TMEM87A: variants seen among roughly 807,000 people sequenced by gnomAD.
TMEM87A encodes the protein transmembrane protein 87A.
In TMEM87A, 50 loss-of-function variants were observed where a neutral mutation model predicts 90.0. That is an observed-to-expected ratio of 0.56 (90% confidence interval 0.44 to 0.70). TMEM87A has a LOEUF of 0.70. Among genes scored for constraint, TMEM87A ranks in the 30% least tolerant of loss-of-function variants. The pLI is 0.00. For missense variants in TMEM87A, 577 were observed against 660.5 expected (o/e 0.87, Z 1.39); for synonymous variants, 226 against 226.7 (o/e 1.00, Z 0.03).
In TMEM87A at chr15:42,211,640, G is replaced by T; in HGVS notation, c.*68C>A. ...TCCTTTAATCCCATGGAGCCGTACA[G>T]AAGACTGACACAGATGCTGATCTCT... is the stretch of plus-strand genomic sequence containing the variant. On this transcript the variant is annotated 3_prime_UTR_variant, in exon 20 of 20. Coordinates refer to ENST00000389834, the MANE Select transcript of TMEM87A (RefSeq NM_015497.5). The T allele has an allele frequency of 3.4e-6, 5 of 1,484,364 alleles. No individual in the cohort carries two copies. The highest frequency in any genetic ancestry group is 4.7e-6 in the Non-Finnish European group (5 of 1,067,502). 91.9% of individuals were successfully genotyped at this position (1,484,364 alleles called of 1,614,324 possible).
intron 18 of TMEM87A, 147 bp from the exon 19 acceptor site, chr15:42,217,980 C>A: frequency 6.8e-6 from 5 of 732,704 alleles, no homozygotes; most frequent in South Asian, 2.3e-5. Context: ...AAATAAACAG[C>A]AAATACAATA....
Position 42,211,713 on chromosome 15 carries a change from C to T in TMEM87A, c.1663G>A (p.Glu555Lys), listed in dbSNP as rs1230393915. The change falls in exon 20 of 20, where the codon GAG becomes AAG. Residue 555 changes from glutamate to lysine, a missense_variant. Transcript: ENST00000389834. ...MITHFERSKM[E>K] ...ACTGCAAATCTTCCCATTCCTTACT[C>T]CATTTTGGACCTTTCAAAGTGTGTG... 6.2e-7 allele frequency: 1 copy of T among 1,612,922 alleles called. No homozygotes were observed. Among genetic ancestry groups the T allele is most frequent in the Non-Finnish European group, 8.5e-7 (1 of 1,179,646 alleles).
At chr15:42,273,579 C>T, upstream of TMEM87A, 1 of 1,095,732 alleles carries the variant, frequency 9.1e-7, no homozygotes, top group South Asian at 1.6e-5. Context: ...AGACTTTGGA[C>T]CTACTGCGCA....
At chr15:42,257,631 T>C (rs1368507051) in intron 6 of TMEM87A, among the ~76,000 whole-genome samples, 1 of 152,232 alleles carries the variant, frequency 6.6e-6, no homozygotes, top group Non-Finnish European at 1.5e-5. Flanking sequence ...TACATGTGGA[T>C]CTAGCAATTC....
chr15:42,255,458 T>A lies in TMEM87A; in HGVS notation c.504+5500A>T, dbSNP rs117676129. On this transcript the variant is annotated intron_variant, in intron 6 of 19. Coordinates refer to ENST00000389834, the MANE Select transcript of TMEM87A (RefSeq NM_015497.5). ...ACTTTTGCTTTTTGTAGAGATAGTGTCTCTAATGTTTTCCAGGCTGCTCTT... is the reference window on the plus strand; with the variant it reads ...ACTTTTGCTTTTTGTAGAGATAGTGACTCTAATGTTTTCCAGGCTGCTCTT... Among the ~76,000 whole-genome samples the A allele has an allele frequency of 6.2e-4, 94 of 152,036 alleles. 1 individual carries two copies. In the East Asian group the frequency reaches 0.015, roughly 24 times the overall value.
rs1334933082 is a variant in TMEM87A, at chr15:42,258,434, T to TC, written c.504+2523dup. 53 of 673,046 alleles carry TC rather than the reference T, an allele frequency of 7.9e-5. 1 individual carries two copies. The Middle Eastern group carries it at 6.1e-3, about 78-fold the overall frequency. 41.7% of individuals were successfully genotyped at this position (673,046 alleles called of 1,614,324 possible). On this transcript the variant is annotated intron_variant, in intron 6 of 19. Transcript: ENST00000389834. ...GAGAAAATCCAATGAATATCTTTTTTCTTTTTTTTTTGAGATGGAATCTCA... is the reference window on the plus strand; with the variant it reads ...GAGAAAATCCAATGAATATCTTTTTTCCTTTTTTTTTTGAGATGGAATCTCA...
chr15:42,262,529 T>C (rs908863150), intron 4 of TMEM87A, among the ~76,000 whole-genome samples: 4 of 151,774 alleles, frequency 2.6e-5, no homozygotes, highest in African/African-American at 9.7e-5. Context: ...GTTCAAGTGA[T>C]TCTCCCACTT....
At chr15:42,223,771 T>C (rs1202399571) in intron 15 of TMEM87A, among the ~76,000 whole-genome samples, 2 of 152,152 alleles carry the variant, frequency 1.3e-5, no homozygotes, top group African/African-American at 4.8e-5. Context: ...AAAAATAAGC[T>C]AAAGATCCAA....
At chr15:42,258,173 G>A (rs117371233) in intron 6 of TMEM87A, 18,075 of 974,206 alleles carry the variant, frequency 0.019, 183 homozygotes, top group Non-Finnish European at 0.02. Flanking sequence ...TTTAAGTAAC[G>A]ATGCAATACA....
At chr15:42,268,953 C>G (rs1178672227) in intron 2 of TMEM87A, among the ~76,000 whole-genome samples, 1 of 151,416 alleles carries the variant, frequency 6.6e-6, no homozygotes, top group Non-Finnish European at 1.5e-5. Flanking sequence ...GAGCAATGAA[C>G]GAAAAGCAAA....
At chr15:42,231,368 T>A in intron 11 of TMEM87A, 108 bp from the exon 12 acceptor site, 1 of 803,250 alleles carries the variant, frequency 1.2e-6, no homozygotes, top group Non-Finnish European at 1.9e-6. Flanking sequence ...GTTTTTGCAT[T>A]GAACTGAAAG....
chr15:42,270,070 T>TAA (rs2051487392), intron 2 of TMEM87A, among the ~76,000 whole-genome samples: 1 of 141,452 alleles, frequency 7.1e-6, no homozygotes, highest in Non-Finnish European at 1.5e-5. Context: ...AAGAAAAAGA[T>TAA]AATGTTAAAG....
chr15:42,234,338 G>A (rs1043492014), intron 10 of TMEM87A, among the ~76,000 whole-genome samples: 5 of 152,190 alleles, frequency 3.3e-5, no homozygotes, highest in African/African-American at 7.2e-5. Context: ...TTAGTGTAGT[G>A]TAGTTTAAGA....
At chr15:42,273,527 G>A (rs1388586350), upstream of TMEM87A, 10 of 1,446,568 alleles carry the variant, frequency 6.9e-6, no homozygotes, top group South Asian at 4.0e-5. Context: ...TTTGCTGTGC[G>A]GCGTAGCGGC....
intron 9 of TMEM87A, among the ~76,000 whole-genome samples, chr15:42,237,212 G>A (rs960578504): frequency 2.6e-5 from 4 of 152,158 alleles, no homozygotes; most frequent in Admixed American, 6.6e-5. Flanking sequence ...GGTCACTACT[G>A]TTGTGACTTT....
chr15:42,231,630 CTT>C (rs912564187), intron 11 of TMEM87A, among the ~76,000 whole-genome samples: 2 of 152,128 alleles, frequency 1.3e-5, no homozygotes, highest in Non-Finnish European at 2.9e-5. Context: ...TCTGAAAAGA[CTT>C]TTCTCGTATT....
chr15:42,260,216 T>A (rs969542203), intron 6 of TMEM87A, among the ~76,000 whole-genome samples: 2 of 152,048 alleles, frequency 1.3e-5, no homozygotes, highest in Non-Finnish European at 2.9e-5. Flanking sequence ...CCACAAAAAA[T>A]TTTTTAAAAT....
At chr15:42,256,793 C>T (rs1316543567) in intron 6 of TMEM87A, among the ~76,000 whole-genome samples, 3 of 152,176 alleles carry the variant, frequency 2.0e-5, no homozygotes, top group South Asian at 2.1e-4. Flanking sequence ...CTTTGGCTCA[C>T]TGCAACCTCT....
intron 19 of TMEM87A, among the ~76,000 whole-genome samples, chr15:42,212,361 C>T (rs2050304764): frequency 6.6e-6 from 1 of 152,176 alleles, no homozygotes; most frequent in Non-Finnish European, 1.5e-5. Context: ...GTACCTCTCA[C>T]TATTGTATCA....
Sources: gnomAD v4.1 joint callset for allele counts (sites outside exome capture counted in the v4.1 genomes callset) on GRCh38, gnomAD v4.1.1 for gene constraint, MANE v1.5 for transcripts, NCBI Gene and HGNC (gene_info 2026-07-23, HGNC 2026-07-21) for gene names.